Variants in AUTS2 observed in about 807,000 individuals in gnomAD.
The protein encoded by AUTS2 is activator of transcription and developmental regulator AUTS2, also known as autism susceptibility gene 2 protein.
A neutral mutation model predicts 112.4 loss-of-function variants in AUTS2; 17 were observed. The ratio of observed to expected loss-of-function variants is 0.15; its 90% confidence interval spans 0.10 to 0.23. The LOEUF is 0.23. Among genes scored for constraint, AUTS2 ranks in the 10% least tolerant of loss-of-function variants. AUTS2 has a pLI of 1.00. For missense variants in AUTS2, 1,510 were observed against 1,701.6 expected (o/e 0.89, Z 1.98); for synonymous variants, 751 against 702.7 (o/e 1.07, Z -1.09).
At chr7:69,757,055 A>G (rs181685860) in intron 1 of AUTS2, among the ~76,000 whole-genome samples, 1 of 152,272 alleles carries the variant, frequency 6.6e-6, no homozygotes, top group East Asian at 1.9e-4. Flanking sequence ...TCACTTCTGT[A>G]TTAGTCCTTC....
chr7:69,893,940 C>T (rs1395177886), intron 1 of AUTS2, among the ~76,000 whole-genome samples: 1 of 152,144 alleles, frequency 6.6e-6, no homozygotes. Flanking sequence ...AAGGGAAAGT[C>T]AAGAGCAAGA....
intron 4 of AUTS2, among the ~76,000 whole-genome samples, chr7:70,399,909 T>G (rs1418129787): frequency 6.6e-6 from 1 of 152,206 alleles, no homozygotes; most frequent in Non-Finnish European, 1.5e-5. Flanking sequence ...GGTAAGCTAT[T>G]CAGAGAGTGG....
chr7:70,586,413 C>G (rs982970440), intron 5 of AUTS2, among the ~76,000 whole-genome samples: 11 of 136,996 alleles, frequency 8.0e-5, no homozygotes, highest in Admixed American at 4.3e-4. Flanking sequence ...TAAAAAGAAG[C>G]AAGCAGGCCT....
At chr7:70,600,424 C>T (rs34520347) in intron 5 of AUTS2, among the ~76,000 whole-genome samples, 9,744 of 151,942 alleles carry the variant, frequency 0.064, 423 homozygotes, top group Middle Eastern at 0.13. Flanking sequence ...TACAGGCGCC[C>T]GCCACCACTC....
intron 2 of AUTS2, among the ~76,000 whole-genome samples, chr7:70,084,844 A>G (rs1803510908): frequency 6.6e-6 from 1 of 152,062 alleles, no homozygotes; most frequent in African/African-American, 2.4e-5. Context: ...AGCGTCTTAC[A>G]AGATAAGAGG....
At chr7:70,366,842 A>C (rs1416388743) in intron 4 of AUTS2, among the ~76,000 whole-genome samples, 1 of 152,172 alleles carries the variant, frequency 6.6e-6, no homozygotes, top group Non-Finnish European at 1.5e-5. Context: ...GAGTATGTCC[A>C]ATACAGGGGG....
At chr7:69,968,891 C>T (rs1797735696) in intron 2 of AUTS2, among the ~76,000 whole-genome samples, 1 of 151,684 alleles carries the variant, frequency 6.6e-6, no homozygotes, top group Non-Finnish European at 1.5e-5. Flanking sequence ...GTTTTTAAGA[C>T]AGCAAAATTA....
chr7:69,892,344 G>A (rs370977680), intron 1 of AUTS2, among the ~76,000 whole-genome samples: 1 of 150,908 alleles, frequency 6.6e-6, no homozygotes, highest in South Asian at 2.1e-4. Context: ...GCTAATTTTT[G>A]TATTGACCAG....
intron 6 of AUTS2, among the ~76,000 whole-genome samples, chr7:70,734,859 GGCCTGCTTTCAT>G (rs1787689446): frequency 6.6e-6 from 1 of 152,048 alleles, no homozygotes; most frequent in Admixed American, 6.5e-5. Flanking sequence ...GACATTAGAA[GGCCTGCTTTCAT>G]GCCTAATAGT....
chr7:70,290,448 A>C (rs1167297624), intron 4 of AUTS2: 1 of 1,542,290 alleles, frequency 6.5e-7, no homozygotes, highest in East Asian at 2.5e-5. Context: ...GCAACACTTC[A>C]TCCTGGGCCA....
chr7:69,901,638 G>A (rs1462897504), intron 2 of AUTS2, among the ~76,000 whole-genome samples: 1 of 152,196 alleles, frequency 6.6e-6, no homozygotes, highest in Non-Finnish European at 1.5e-5. Context: ...GAATCATGGA[G>A]AAGGAAAGCA....
intron 4 of AUTS2, among the ~76,000 whole-genome samples, chr7:70,314,486 GC>G (rs1789906396): frequency 6.6e-6 from 1 of 152,214 alleles, no homozygotes; most frequent in African/African-American, 2.4e-5. Flanking sequence ...AGGTTAAATT[GC>G]TAGAGAAATC....
intron 5 of AUTS2, among the ~76,000 whole-genome samples, chr7:70,536,629 A>G (rs1045682654): frequency 3.2e-5 from 4 of 123,954 alleles, no homozygotes; most frequent in Non-Finnish European, 6.3e-5. Flanking sequence ...GGCCAAGCGC[A>G]GTGGCTCACG....
chr7:70,787,412 A>G lies in AUTS2; in HGVS notation c.2512A>G (p.Ser838Gly). The part of the protein sequence containing the change: ...RDVDKRDSSV[S>G]KDDKERESVE... ...TGTAGATAAACGAGACTCATCTGTT[A>G]GTAAAGATGACAAAGAAAGGTACGG... Residue 838 changes from serine (S) to glycine (G), a missense_variant, in exon 18 of 19, where the codon AGT (serine) becomes GGT (glycine). Around this residue, in one of 3 missense-constraint regions of AUTS2, gnomAD observed 788 missense variants for 797.6 expected, o/e 0.99. Transcript: ENST00000342771. 6.2e-7 allele frequency: 1 copy of G among 1,611,188 alleles called. No individual in the cohort carries two copies. Among genetic ancestry groups the G allele is most frequent in the South Asian group, 1.1e-5 (1 of 90,988 alleles).
chr7:70,277,465 T>A (rs956498162), intron 4 of AUTS2, among the ~76,000 whole-genome samples: 6 of 152,188 alleles, frequency 3.9e-5, no homozygotes, highest in African/African-American at 1.4e-4. Flanking sequence ...CTCTTAGTAC[T>A]CAAGGAAACT....
intron 1 of AUTS2, among the ~76,000 whole-genome samples, chr7:69,650,306 A>C (rs1482618010): frequency 3.9e-5 from 6 of 152,186 alleles, no homozygotes; most frequent in African/African-American, 1.4e-4. Context: ...ATCAATAAGA[A>C]ATAATAAAGA....
intron 1 of AUTS2, among the ~76,000 whole-genome samples, chr7:69,870,448 A>AATATATATATATTATATATATAT (rs56728110): frequency 1.3e-5 from 1 of 78,970 alleles, no homozygotes; most frequent in East Asian, 4.1e-4. Flanking sequence ...ATGTGTGTGT[A>AATATATATATATTATATATATAT]ATATATATAT....
chr7:70,422,836 C>G (rs559319278), intron 4 of AUTS2, among the ~76,000 whole-genome samples: 4 of 152,262 alleles, frequency 2.6e-5, no homozygotes, highest in South Asian at 4.2e-4. Context: ...ACCACACTTT[C>G]AGATCTTTTA....
chr7:69,918,660 T>C (rs79249508), intron 2 of AUTS2, among the ~76,000 whole-genome samples: 2,091 of 152,336 alleles, frequency 0.014, 19 homozygotes, highest in Non-Finnish European at 0.024. Context: ...GCTTAAAAAG[T>C]GACCACAAGT....
Sources: allele counts gnomAD v4.1 joint callset (sites outside exome capture counted in the v4.1 genomes callset), GRCh38; gene constraint gnomAD v4.1.1; regional missense constraint gnomAD v4.1.1; transcripts MANE v1.5; gene names NCBI Gene and HGNC (gene_info 2026-07-23, HGNC 2026-07-21).